The following DPF3 variants were observed in gnomAD, a reference collection of about 807,000 sequenced individuals.
DPF3 encodes the protein zinc finger protein DPF3.
A neutral mutation model predicts 56.8 loss-of-function variants in DPF3; 18 were observed. The observed-to-expected ratio is 0.32, with a 90% CI of 0.22 to 0.47. DPF3 has a LOEUF of 0.47. DPF3 is among the 20% of genes least tolerant of loss of function. The probability of loss-of-function intolerance (pLI) is 1.00; values close to 1 mark genes in which losing one functional copy is unlikely to be tolerated. For missense variants in DPF3, 403 were observed against 488.8 expected, an observed-to-expected ratio of 0.82 and a Z score of 1.65; for synonymous variants, 188 against 180.2, an observed-to-expected ratio of 1.04 and a Z score of -0.35.
chr14:72,788,569 T>G (rs1892307171), intron 1 of DPF3, among the ~76,000 whole-genome samples: 1 of 152,158 alleles, frequency 6.6e-6, no homozygotes, highest in African/African-American at 2.4e-5. Context: ...AGGGTTCCAC[T>G]TATCTTACCA....
intron 8 of DPF3, among the ~76,000 whole-genome samples, chr14:72,643,650 C>T (rs117450868): frequency 0.031 from 4,728 of 152,344 alleles, 136 homozygotes; most frequent in Admixed American, 0.081. Flanking sequence ...GCCAGCTATT[C>T]CCACTTGCAG....
intron 1 of DPF3, among the ~76,000 whole-genome samples, chr14:72,874,362 C>G (rs1264305098): frequency 6.6e-6 from 1 of 151,714 alleles, no homozygotes; most frequent in Non-Finnish European, 1.5e-5. Flanking sequence ...ACCTATAGTC[C>G]CAGCTACTCG....
intron 6 of DPF3, among the ~76,000 whole-genome samples, chr14:72,712,053 A>C (rs1342420595): frequency 6.6e-6 from 1 of 152,098 alleles, no homozygotes; most frequent in African/African-American, 2.4e-5. Flanking sequence ...AAAGAGAGCC[A>C]GAACAGAGAA....
At chr14:72,820,075 A>G (rs76448109) in intron 1 of DPF3, among the ~76,000 whole-genome samples, 14,235 of 152,266 alleles carry the variant, frequency 0.093, 819 homozygotes, top group Admixed American at 0.18. Flanking sequence ...ATAATATTCT[A>G]TTGTGGTTAC....
chr14:72,620,889 C>T (rs1263138560), intron 9 of DPF3, among the ~76,000 whole-genome samples: 1 of 152,172 alleles, frequency 6.6e-6, no homozygotes, highest in African/African-American at 2.4e-5. Context: ...GCCTGTAATC[C>T]CAGCACTTAG....
intron 7 of DPF3, among the ~76,000 whole-genome samples, chr14:72,679,034 A>G (rs1041318893): frequency 6.6e-6 from 1 of 152,250 alleles, no homozygotes; most frequent in Admixed American, 6.5e-5. Flanking sequence ...CACCACGCTC[A>G]GGGAAGCGAG....
intron 8 of DPF3, among the ~76,000 whole-genome samples, chr14:72,655,511 C>T (rs1567190729): frequency 6.6e-6 from 1 of 152,174 alleles, no homozygotes; most frequent in African/African-American, 2.4e-5. Context: ...GAGTGGAATT[C>T]AGATGGAGTT....
chr14:72,838,906 T>TATATATA (rs375598670), intron 1 of DPF3, among the ~76,000 whole-genome samples: 1,326 of 87,312 alleles, frequency 0.015, 116 homozygotes, highest in East Asian at 0.051. Flanking sequence ...ATCATATATA[T>TATATATA]TCTTTTTTTT....
chr14:72,861,803 G>GAAAGAAAGAAAGAAAGA (rs955533704), intron 1 of DPF3, among the ~76,000 whole-genome samples: 1 of 151,194 alleles, frequency 6.6e-6, no homozygotes, highest in South Asian at 2.1e-4. Context: ...AAGAAAGAAA[G>GAAAGAAAGAAAGAAAGA]AAGGAAAGAA....
At chr14:72,808,468 T>TA (rs1882888955) in intron 1 of DPF3, among the ~76,000 whole-genome samples, 1 of 152,182 alleles carries the variant, frequency 6.6e-6, no homozygotes, top group Non-Finnish European at 1.5e-5. Context: ...AAGTGGGACT[T>TA]ACAAGCAGGA....
At chr14:72,843,933 T>C (rs1417670588) in intron 1 of DPF3, among the ~76,000 whole-genome samples, 1 of 152,234 alleles carries the variant, frequency 6.6e-6, no homozygotes, top group African/African-American at 2.4e-5. Flanking sequence ...ATCTATGAGG[T>C]TGGGATTGAT....
chr14:72,861,743 GAAAGAAAGAA>G (rs1488869859), intron 1 of DPF3, among the ~76,000 whole-genome samples: 218 of 114,104 alleles, frequency 1.9e-3, no homozygotes, highest in African/African-American at 7.3e-3. Flanking sequence ...GAAAGAGAAA[GAAAGAAAGAA>G]AGAAAGAAAG....
rs577779111 is a variant in DPF3, at chr14:72,740,896, G to A, written c.302-8962C>T. On this transcript the variant is annotated intron_variant, in intron 3 of 10. Transcript: ENST00000556509. Reference sequence around the variant, plus strand: ...AGTTCTAGGTCATCTATAGACTGGGGCCTTTTAAAAGGCTATAAGACAGAG... The same window carrying A: ...AGTTCTAGGTCATCTATAGACTGGGACCTTTTAAAAGGCTATAAGACAGAG... 6.6e-5 allele frequency among the ~76,000 whole-genome samples: 10 copies of A among 152,256 alleles called. No homozygotes were observed. In the East Asian group the frequency reaches 1.9e-3, roughly 29 times the overall value.
intron 5 of DPF3, among the ~76,000 whole-genome samples, chr14:72,716,739 G>T (rs771916429): frequency 2.0e-5 from 3 of 152,150 alleles, no homozygotes; most frequent in Non-Finnish European, 4.4e-5. Context: ...AATCAGGCAG[G>T]CAGCGAGTCA....
At chr14:72,880,392 C>T (rs956486761) in intron 1 of DPF3, among the ~76,000 whole-genome samples, 1 of 152,188 alleles carries the variant, frequency 6.6e-6, no homozygotes, top group Non-Finnish European at 1.5e-5. Context: ...ACGAGTAACC[C>T]TGAAGACACA....
intron 4 of DPF3, among the ~76,000 whole-genome samples, chr14:72,724,344 C>A (rs1037599473): frequency 2.6e-5 from 4 of 151,728 alleles, no homozygotes; most frequent in Non-Finnish European, 2.9e-5. Flanking sequence ...AGTCACATTG[C>A]AACATAGAAT....
At chr14:72,689,746 C>T (rs549566937) in intron 7 of DPF3, among the ~76,000 whole-genome samples, 3 of 152,172 alleles carry the variant, frequency 2.0e-5, no homozygotes, top group South Asian at 2.1e-4. Flanking sequence ...AAGTCAGCGG[C>T]GTGTGTGGTG....
intron 1 of DPF3, among the ~76,000 whole-genome samples, chr14:72,826,392 G>T (rs1883803010): frequency 6.6e-6 from 1 of 152,150 alleles, no homozygotes; most frequent in African/African-American, 2.4e-5. Flanking sequence ...CCTCCTTTCT[G>T]TGATGGGGCA....
At chr14:72,755,789 C>T (rs1052961569) in intron 2 of DPF3, among the ~76,000 whole-genome samples, 1 of 152,052 alleles carries the variant, frequency 6.6e-6, no homozygotes, top group Non-Finnish European at 1.5e-5. Context: ...CTCATCACAA[C>T]AAGCAAATGG....
Sources: gnomAD v4.1 joint callset for allele counts (sites outside exome capture counted in the v4.1 genomes callset) on GRCh38, gnomAD v4.1.1 for gene constraint, MANE v1.5 for transcripts, NCBI Gene and HGNC (gene_info 2026-07-23, HGNC 2026-07-21) for gene names.